Variants in BCAS4 observed in about 807,000 individuals in gnomAD.
The protein encoded by BCAS4 is breast carcinoma-amplified sequence 4.
In BCAS4, 9 loss-of-function variants were observed where a neutral mutation model predicts 15.7. That is an observed-to-expected ratio of 0.57 (90% CI 0.34 to 1.00). The LOEUF is 1.00. Among genes scored for constraint, BCAS4 ranks in the 50% least tolerant of loss-of-function variants. BCAS4 has a pLI of 0.02. For synonymous variants in BCAS4, 101 were observed against 99.5 expected (o/e 1.02, Z -0.09); for missense variants, 225 against 239.1 (o/e 0.94, Z 0.39).
intron 3 of BCAS4, among the ~76,000 whole-genome samples, chr20:50,834,289 C>T (rs1278501424): frequency 7.0e-6 from 1 of 143,354 alleles, no homozygotes; most frequent in African/African-American, 2.7e-5. Flanking sequence ...GTCTCGAACT[C>T]TTCTTTTTTT....
chr20:50,795,415 C>A (rs1175716928), intron 1 of BCAS4, among the ~76,000 whole-genome samples: 1 of 152,148 alleles, frequency 6.6e-6, no homozygotes, highest in South Asian at 2.1e-4. Flanking sequence ...CCACCCGGGT[C>A]CCCCAGCATC....
At chr20:50,837,909 G>T (rs2088429307) in intron 3 of BCAS4, among the ~76,000 whole-genome samples, 1 of 152,138 alleles carries the variant, frequency 6.6e-6, no homozygotes, top group Non-Finnish European at 1.5e-5. Context: ...GCTGAGCCAG[G>T]CCTCTGAGGC....
intron 2 of BCAS4, among the ~76,000 whole-genome samples, chr20:50,821,973 G>T (rs1004108038): frequency 6.6e-6 from 1 of 152,206 alleles, no homozygotes; most frequent in Admixed American, 6.5e-5. Flanking sequence ...TGAAAATAAT[G>T]GTTCTGATTA....
intron 1 of BCAS4, among the ~76,000 whole-genome samples, chr20:50,812,130 TTTTA>T (rs1161614491): frequency 1.3e-5 from 2 of 152,052 alleles, no homozygotes; most frequent in African/African-American, 4.8e-5. Context: ...CGTGTCTACT[TTTTA>T]TTTATTTATT....
the BCAS4 span, chr20:50,882,209 G>A: frequency 1.3e-5 from 2 of 152,460 alleles, no homozygotes; most frequent in African/African-American, 4.8e-5. Flanking sequence ...GGGTTGCGGG[G>A]GGAAATGTCC....
chr20:50,819,036 A>G (rs2088178217), intron 2 of BCAS4, among the ~76,000 whole-genome samples: 1 of 152,138 alleles, frequency 6.6e-6, no homozygotes, highest in Non-Finnish European at 1.5e-5. Context: ...TACAAAAATT[A>G]GCCGGGTGTG....
At chr20:50,821,719 A>G (rs890698803) in intron 2 of BCAS4, among the ~76,000 whole-genome samples, 1 of 152,168 alleles carries the variant, frequency 6.6e-6, no homozygotes, top group Non-Finnish European at 1.5e-5. Context: ...GAGAGAAGCC[A>G]CTTCCTTTCA....
At chr20:50,862,539 G>GCTCA (rs1234143821) in intron 4 of BCAS4, among the ~76,000 whole-genome samples, 1 of 150,682 alleles carries the variant, frequency 6.6e-6, no homozygotes, top group Non-Finnish European at 1.5e-5. Flanking sequence ...ACGGGCCTGG[G>GCTCA]CTGAGATGCA....
intron 1 of BCAS4, among the ~76,000 whole-genome samples, chr20:50,795,535 T>A (rs867562161): frequency 6.7e-5 from 10 of 149,076 alleles, no homozygotes; most frequent in Middle Eastern, 3.5e-3. Context: ...GAGCGGCGCC[T>A]CAGGCTGCGG....
intron 4 of BCAS4, among the ~76,000 whole-genome samples, chr20:50,863,274 TTGAGACGGAG>T: frequency 6.8e-6 from 1 of 147,028 alleles, no homozygotes; most frequent in East Asian, 2.0e-4. Context: ...TTTTTTTTTT[TTGAGACGGAG>T]TCTCACTCTG....
intron 1 of BCAS4, among the ~76,000 whole-genome samples, chr20:50,809,838 T>G (rs561996724): frequency 1.3e-4 from 20 of 152,342 alleles, no homozygotes; most frequent in African/African-American, 4.3e-4. Flanking sequence ...GTTAGGTATA[T>G]TCCTAAATAT....
chr20:50,842,272 G>A (rs2088493742), intron 4 of BCAS4, among the ~76,000 whole-genome samples: 1 of 152,198 alleles, frequency 6.6e-6, no homozygotes, highest in African/African-American at 2.4e-5. Flanking sequence ...TCAGCCTCAA[G>A]CTGGCCCAAC....
At chr20:50,825,480 G>T (rs1361719066) in intron 2 of BCAS4, among the ~76,000 whole-genome samples, 4 of 152,224 alleles carry the variant, frequency 2.6e-5, no homozygotes, top group African/African-American at 4.8e-5. Context: ...CCCTCATTCT[G>T]AGTAACTACG....
At chr20:50,799,210 T>G (rs2087900074) in intron 1 of BCAS4, among the ~76,000 whole-genome samples, 1 of 152,236 alleles carries the variant, frequency 6.6e-6, no homozygotes, top group Admixed American at 6.5e-5. Context: ...AGGAATAGTC[T>G]TTAAGAGAAA....
Position 50,851,331 on chromosome 20 carries a change from C to T in BCAS4, c.399+9431C>T, listed in dbSNP as rs534605155. 6.6e-5 allele frequency among the ~76,000 whole-genome samples: 10 copies of T among 152,176 alleles called. No homozygotes were observed. The highest frequency in any genetic ancestry group is 1.7e-4 in the African/African-American group (7 of 41,524). ...ACGACTGTGGAGGGCCGAGGGGTGC[C>T]GGGTCCCAGCCCCCACCTACCAGCC... On this transcript the variant is annotated intron_variant, in intron 4 of 4. Coordinates refer to ENST00000371608, the MANE Select transcript of BCAS4 (RefSeq NM_198799.4). The surrounding 1 kb of genome is among the most constrained non-coding windows in gnomAD (Gnocchi z 4.3).
chr20:50,870,942 T>C (rs756967089), intron 4 of BCAS4, among the ~76,000 whole-genome samples: 12 of 152,026 alleles, frequency 7.9e-5, no homozygotes, highest in Non-Finnish European at 1.2e-4. Flanking sequence ...TTCTGTGTCT[T>C]GACCTATCCT....
intron 1 of BCAS4, among the ~76,000 whole-genome samples, chr20:50,797,520 C>T (rs1392761844): frequency 6.6e-6 from 1 of 152,014 alleles, no homozygotes; most frequent in Admixed American, 6.6e-5. Flanking sequence ...CGCAGGGAAA[C>T]CCCTGTCTCT....
chr20:50,848,891 A>G (rs2088577947), intron 4 of BCAS4, among the ~76,000 whole-genome samples: 1 of 152,284 alleles, frequency 6.6e-6, no homozygotes, highest in South Asian at 2.1e-4. Context: ...CAGGTCTTCC[A>G]GACAAATGTC....
chr20:50,802,097 G>T (rs547039588), intron 1 of BCAS4, among the ~76,000 whole-genome samples: 1 of 152,138 alleles, frequency 6.6e-6, no homozygotes, highest in African/African-American at 2.4e-5. Flanking sequence ...CAGTTTGGGA[G>T]GCTGAGGTAA....
Sources: gnomAD v4.1 joint callset for allele counts (sites outside exome capture counted in the v4.1 genomes callset) on GRCh38, gnomAD v4.1.1 for gene constraint, Gnocchi (gnomAD v3.1) non-coding constraint, MANE v1.5 for transcripts, NCBI Gene and HGNC (gene_info 2026-07-23, HGNC 2026-07-21) for gene names.